The following ACAT1 variants were observed in gnomAD, a reference collection of about 807,000 sequenced individuals.
ACAT1 encodes the protein acetyl-CoA acetyltransferase 1.
Under a neutral mutation model 47.3 loss-of-function variants are expected in ACAT1, and 28 were observed. The ratio of observed to expected loss-of-function variants is 0.59; its 90% CI spans 0.44 to 0.81. The LOEUF (loss-of-function observed/expected upper bound fraction) is 0.81, where lower values mean the gene tolerates loss of function less well. ACAT1 is among the 30% of genes least tolerant of loss of function. The pLI, the probability that ACAT1 is intolerant of heterozygous loss-of-function variation, is 0.00. For missense variants in ACAT1, 469 were observed against 524.3 expected (o/e 0.89, Z 1.03); for synonymous variants, 181 against 173.6 (o/e 1.04, Z -0.34).
At chr11:108,138,296 ATTC>A (rs1459976591) in intron 5 of ACAT1, among the ~76,000 whole-genome samples, 2 of 148,562 alleles carry the variant, frequency 1.3e-5, no homozygotes, top group East Asian at 4.1e-4. Flanking sequence ...GATTTCTGGT[ATTC>A]TTATTAATGT....
chr11:108,141,662 A>T lies in ACAT1; in HGVS notation c.788A>T (p.Lys263Ile), dbSNP rs780221377. 1 of 1,613,622 alleles carries T rather than the reference A, an allele frequency of 6.2e-7. No individual in the cohort carries two copies. Among genetic ancestry groups the T allele is most frequent in the Non-Finnish European group, 8.5e-7 (1 of 1,179,880 alleles). Residue 263 changes from lysine (K) to isoleucine (I), a missense_variant, in exon 8 of 12, where the codon AAA becomes ATA. Coordinates refer to ENST00000265838, the MANE Select transcript of ACAT1 (RefSeq NM_000019.4). ...GAATATAAACGTGTTGATTTTAGCA[A>T]AGTTCCAAAGCTGAAGACAGTTTTC... ...DEEYKRVDFS[K>I]VPKLKTVFQK...
intron 4 of ACAT1, 72 bp downstream of exon 4, chr11:108,134,388 T>C (rs1385641773): frequency 8.2e-7 from 1 of 1,221,522 alleles, no homozygotes; most frequent in Non-Finnish European, 1.2e-6. Flanking sequence ...CTCATGCCTG[T>C]AATCCCAGCA....
At chr11:108,134,079 T>C in intron 3 of ACAT1, 142 bp downstream of exon 3, 3 of 1,146,314 alleles carry the variant, frequency 2.6e-6, no homozygotes, top group Non-Finnish European at 2.6e-6. Context: ...GAAGTCTTTG[T>C]ACTATACAGT....
intron 1 of ACAT1, among the ~76,000 whole-genome samples, chr11:108,122,660 G>C (rs2077173712): frequency 6.6e-6 from 1 of 152,222 alleles, no homozygotes; most frequent in Admixed American, 6.5e-5. Flanking sequence ...GACAATTAGG[G>C]AGTGAGGGTG....
In ACAT1 at chr11:108,140,159, C is replaced by T. The variant is rs1385465985; in HGVS notation, c.674C>T (p.Ala225Val). The T allele has an allele frequency of 6.2e-7, 1 of 1,614,084 alleles. No homozygotes were observed. Among genetic ancestry groups the T allele is most frequent in the African/African-American group, 1.3e-5 (1 of 75,034 alleles). ...AATTCTTATACCAGAAGTAAAGCAG[C>T]ATGGGAAGCTGGGAAATTTGGAAAT... ...AINSYTRSKA[A>V]WEAGKFGNEV... The change falls in exon 7 of 12, where the codon GCA (alanine) becomes GTA (valine). Residue 225 changes from alanine to valine, a missense_variant. Transcript: ENST00000265838.
chr11:108,123,599 C>T (rs960363584), intron 1 of ACAT1, among the ~76,000 whole-genome samples: 3 of 152,222 alleles, frequency 2.0e-5, no homozygotes, highest in African/African-American at 4.8e-5. Context: ...ATGTATTCTG[C>T]ATCTATTTCT....
At chr11:108,120,265 G>A (rs895683783), upstream of ACAT1, among the ~76,000 whole-genome samples, 11 of 152,116 alleles carry the variant, frequency 7.2e-5, no homozygotes, top group African/African-American at 2.7e-4. Flanking sequence ...GGGAGGCCAA[G>A]GCCAGAAGAT....
At chr11:108,134,383 G>T in intron 4 of ACAT1, 67 bp downstream of exon 4, 2 of 1,287,538 alleles carry the variant, frequency 1.6e-6, no homozygotes, top group Admixed American at 3.4e-5. Flanking sequence ...GGTGGCTCAT[G>T]CCTGTAATCC....
At chr11:108,141,246 G>A (rs1222295093) in intron 7 of ACAT1, among the ~76,000 whole-genome samples, 2 of 151,744 alleles carry the variant, frequency 1.3e-5, no homozygotes. Flanking sequence ...TTAGCTGGCT[G>A]TGGTGGCTCC....
intron 1 of ACAT1, among the ~76,000 whole-genome samples, chr11:108,124,294 G>T (rs2077207757): frequency 1.3e-5 from 2 of 151,802 alleles, no homozygotes; most frequent in Non-Finnish European, 2.9e-5. Flanking sequence ...ATCAAGTTTC[G>T]CTCTTGTTGC....
chr11:108,136,945 T>C (rs1463224682), intron 5 of ACAT1: 1 of 146,762 alleles, frequency 6.8e-6, no homozygotes, highest in Admixed American at 6.8e-5. Flanking sequence ...CTAGCCCTTA[T>C]AATGCAAGTG....
At position 108,134,734 on chromosome 11, in the gene ACAT1, A is replaced by G. The variant is rs192625791; in HGVS notation, c.335-408A>G. 6.1e-3 allele frequency among the ~76,000 whole-genome samples: 926 copies of G among 151,038 alleles called. 6 individuals are homozygous for G. Among genetic ancestry groups the G allele is most frequent in the East Asian group, 9.8e-3 (50 of 5,120 alleles). On this transcript the variant is annotated intron_variant, in intron 4 of 11. Transcript: ENST00000265838. ...GCCGAGGCGGGTGGATCACGAGGTCAGGAGATTGAGACCATCCTGGCTAAC... is the reference window on the plus strand; with the variant it reads ...GCCGAGGCGGGTGGATCACGAGGTCGGGAGATTGAGACCATCCTGGCTAAC...
At chr11:108,135,537 A>G (rs1398420605) in intron 5 of ACAT1, among the ~76,000 whole-genome samples, 1 of 152,038 alleles carries the variant, frequency 6.6e-6, no homozygotes, top group Non-Finnish European at 1.5e-5. Flanking sequence ...TTTGAAAAAA[A>G]AAAAAGCCTA....
chr11:108,139,699 TGCCCAGGCTGGAGTGCAGTGGC>T (rs1555033902), intron 6 of ACAT1, among the ~76,000 whole-genome samples: 1 of 152,150 alleles, frequency 6.6e-6, no homozygotes, highest in Non-Finnish European at 1.5e-5. Flanking sequence ...CTTGCTCTGT[TGCCCAGGCTGGAGTGCAGTGGC>T]ACAGTCTTAG....
chr11:108,123,559 C>T (rs754315831), intron 1 of ACAT1, among the ~76,000 whole-genome samples: 20 of 152,194 alleles, frequency 1.3e-4, no homozygotes, highest in Non-Finnish European at 2.6e-4. Context: ...TCTCTCTGGT[C>T]AAAGGAGTGG....
chr11:108,134,081 C>A, intron 3 of ACAT1, 140 bp from the exon 4 acceptor site: 3 of 1,149,868 alleles, frequency 2.6e-6, no homozygotes, highest in Non-Finnish European at 2.6e-6. Flanking sequence ...AGTCTTTGTA[C>A]TATACAGTTT....
rs1029083777 is a variant in ACAT1 at position 108,138,800 on chromosome 11, G to A, written c.436-98G>A. The A allele has an allele frequency of 6.1e-6, 8 of 1,316,960 alleles. No individual in the cohort carries two copies. The African/African-American group carries it at 1.0e-4, about 17-fold the overall frequency. 81.6% of individuals were successfully genotyped at this position (1,316,960 alleles called of 1,614,324 possible). A position where few individuals can be genotyped will look rare whatever the true frequency, so the allele number is the denominator to read the frequency against. On this transcript the variant is annotated intron_variant, in intron 5 of 11. Transcript: ENST00000265838. ...ACTGTGTAACAAATGTTTAATAAATGCATGTAGAATACTTGTTTGGTGGTA... is the reference window on the plus strand; with the variant it reads ...ACTGTGTAACAAATGTTTAATAAATACATGTAGAATACTTGTTTGGTGGTA...
rs376673960 is a variant in ACAT1 at position 108,132,898 on chromosome 11, G to A, written c.121-922G>A. 1.4e-4 allele frequency among the ~76,000 whole-genome samples: 20 copies of A among 147,820 alleles called. No homozygotes were observed. The East Asian group carries it at 1.8e-3, about 13-fold the overall frequency. ...AAAAAAAAAGAAAAAAGAAATTATG[G>A]CTCTGGCTGGGCACAGTGGTTCATG... is the stretch of plus-strand genomic sequence containing the variant. On this transcript the variant is annotated intron_variant, in intron 2 of 11. Coordinates refer to ENST00000265838, the MANE Select transcript of ACAT1 (RefSeq NM_000019.4).
Position 108,147,580 on chromosome 11 carries a change from C to A in ACAT1, c.*190C>A. 1 of 772,744 alleles carries A rather than the reference C, an allele frequency of 1.3e-6. No homozygotes were observed. The highest frequency in any genetic ancestry group is 1.9e-6 in the Non-Finnish European group (1 of 520,132). 47.9% of individuals were successfully genotyped at this position (772,744 alleles called of 1,614,324 possible). ...AATTAAAAATAAATTTCTTCTTCTG[C>A]TTTTTTCTTGGTAACCTTGAAAAGT... On this transcript the variant is annotated 3_prime_UTR_variant, in exon 12 of 12. Transcript: ENST00000265838.
Sources: allele counts gnomAD v4.1 joint callset (sites outside exome capture counted in the v4.1 genomes callset), GRCh38; gene constraint gnomAD v4.1.1; transcripts MANE v1.5; gene names NCBI Gene and HGNC (gene_info 2026-07-23, HGNC 2026-07-21).